TBPL2: variants seen among roughly 807,000 people sequenced by gnomAD.
TBPL2 encodes TATA-box binding protein like 2.
A neutral mutation model predicts 38.2 loss-of-function variants in TBPL2; 40 were observed. That is an observed-to-expected ratio of 1.05 (90% confidence interval 0.81 to 1.36). TBPL2 has a LOEUF of 1.36. Among genes scored for constraint, TBPL2 ranks in the 40% most tolerant of loss-of-function variants. The pLI is 0.00. For missense variants in TBPL2, 461 were observed against 456.7 expected (o/e 1.01, Z -0.09); for synonymous variants, 169 against 171.7 (o/e 0.98, Z 0.12).
intron 3 of TBPL2, 68 bp downstream of exon 3, chr14:55,435,779 A>G: frequency 8.5e-7 from 1 of 1,179,710 alleles, no homozygotes; most frequent in South Asian, 1.4e-5. Context: ...AGTCAATATC[A>G]TGATCATATT....
chr14:55,436,673 C>G (rs1462647127), exon 2 of TBPL2: 1 of 1,614,202 alleles, frequency 6.2e-7, no homozygotes, highest in African/African-American at 1.3e-5. Context: ...GAGGGCTGGA[C>G]TGAGTCAGTA....
At chr14:55,422,913 GAA>G (rs891524637) in intron 6 of TBPL2, among the ~76,000 whole-genome samples, 14 of 151,834 alleles carry the variant, frequency 9.2e-5, no homozygotes, top group African/African-American at 3.4e-4. Context: ...GAATGACATA[GAA>G]AAGAGTCTGA....
intron 6 of TBPL2, among the ~76,000 whole-genome samples, chr14:55,419,577 A>G (rs1224408479): frequency 2.0e-5 from 3 of 152,256 alleles, no homozygotes. Context: ...CTTTCTGCTC[A>G]GGACCATGAC....
Position 55,419,533 on chromosome 14 carries a change from C to G in TBPL2, c.1051+4626G>C, listed in dbSNP as rs370008144. ...CCAGCCACAGAAAACAAGCACAGAT[C>G]CAGAACAGTGTAAGCTGGGCCCAGG... On this transcript the variant is annotated intron_variant, in intron 6 of 6. Transcript: ENST00000247219. Among the ~76,000 whole-genome samples the G allele has an allele frequency of 1.5e-4, 23 of 152,268 alleles. 1 individual carries two copies. Among genetic ancestry groups the G allele is most frequent in the African/African-American group, 5.3e-4 (22 of 41,544 alleles).
intron 6 of TBPL2, among the ~76,000 whole-genome samples, chr14:55,415,200 AATCAGGACAC>A (rs1409531381): frequency 5.3e-5 from 8 of 152,254 alleles, no homozygotes; most frequent in Non-Finnish European, 1.2e-4. Context: ...AGCTTCAGCT[AATCAGGACAC>A]TAATCAGTTA....
intron 5 of TBPL2, among the ~76,000 whole-genome samples, chr14:55,425,956 G>A (rs1885815015): frequency 6.6e-6 from 1 of 152,110 alleles, no homozygotes; most frequent in South Asian, 2.1e-4. Flanking sequence ...ATTTATATCA[G>A]GATACCTTTG....
chr14:55,419,667 C>T (rs1478618971), intron 6 of TBPL2, among the ~76,000 whole-genome samples: 1 of 152,188 alleles, frequency 6.6e-6, no homozygotes, highest in Non-Finnish European at 1.5e-5. Flanking sequence ...GACATGGTGG[C>T]TGTAGCTGTG....
At chr14:55,439,787 C>T (rs969357479) in intron 1 of TBPL2, among the ~76,000 whole-genome samples, 1 of 151,624 alleles carries the variant, frequency 6.6e-6, no homozygotes, top group African/African-American at 2.4e-5. Context: ...AAAAATTAGC[C>T]GGGCGTAGTG....
exon 2 of TBPL2, chr14:55,436,799 T>G: frequency 6.2e-7 from 1 of 1,614,212 alleles, no homozygotes; most frequent in Non-Finnish European, 8.5e-7. Context: ...CTTTCAGAAT[T>G]TTCTTCAGTT....
intron 6 of TBPL2, among the ~76,000 whole-genome samples, chr14:55,414,915 A>T (rs957432312): frequency 5.9e-5 from 9 of 152,224 alleles, no homozygotes; most frequent in Non-Finnish European, 1.3e-4. Context: ...TCTAAATTTA[A>T]AAGAGTTTTA....
chr14:55,422,908 A>G (rs1163379315), intron 6 of TBPL2, among the ~76,000 whole-genome samples: 1 of 152,140 alleles, frequency 6.6e-6, no homozygotes, highest in East Asian at 1.9e-4. Context: ...CTGTAGAATG[A>G]CATAGAAAAG....
At chr14:55,429,551 G>T (rs1400336098) in intron 4 of TBPL2, among the ~76,000 whole-genome samples, 2 of 152,138 alleles carry the variant, frequency 1.3e-5, no homozygotes, top group African/African-American at 4.8e-5. Flanking sequence ...CTCACCTGAG[G>T]ACAGTAGCTC....
At chr14:55,418,176 ATG>A (rs1433927518) in intron 6 of TBPL2, among the ~76,000 whole-genome samples, 2 of 152,208 alleles carry the variant, frequency 1.3e-5, no homozygotes, top group East Asian at 3.9e-4. Context: ...TAATTTATTT[ATG>A]TCTGTCTCCC....
intron 6 of TBPL2, among the ~76,000 whole-genome samples, chr14:55,423,438 GC>G (rs1175589672): frequency 6.6e-6 from 1 of 152,212 alleles, no homozygotes; most frequent in Non-Finnish European, 1.5e-5. Context: ...GGTAAAAGCA[GC>G]CAAATGTCTG....
intron 6 of TBPL2, 34 bp downstream of exon 6, chr14:55,424,125 A>C (rs779073093): frequency 6.7e-7 from 1 of 1,502,060 alleles, no homozygotes; most frequent in Admixed American, 1.7e-5. Flanking sequence ...TAGCAATTAC[A>C]TTTTATGAGT....
chr14:55,440,549 T>C, exon 1 of TBPL2: 1 of 1,596,680 alleles, frequency 6.3e-7, no homozygotes, highest in Non-Finnish European at 8.5e-7. Flanking sequence ...AGGCCATTTA[T>C]GAGCCTGGGG....
At chr14:55,425,542 T>C (rs925343903) in intron 5 of TBPL2, among the ~76,000 whole-genome samples, 2 of 152,254 alleles carry the variant, frequency 1.3e-5, no homozygotes, top group African/African-American at 4.8e-5. Context: ...TTATTTATTC[T>C]CTGCCTCATT....
chr14:55,431,103 G>C (rs749310525), intron 4 of TBPL2, among the ~76,000 whole-genome samples: 1 of 152,130 alleles, frequency 6.6e-6, no homozygotes, highest in African/African-American at 2.4e-5. Context: ...CTTTTCCTAC[G>C]CAAACACAGG....
chr14:55,431,368 T>G (rs1294338688), intron 4 of TBPL2, among the ~76,000 whole-genome samples: 1 of 152,236 alleles, frequency 6.6e-6, no homozygotes, highest in Non-Finnish European at 1.5e-5. Flanking sequence ...GAGCATATTT[T>G]ACAATGAAAG....
Sources: gnomAD v4.1 joint callset for allele counts (sites outside exome capture counted in the v4.1 genomes callset) on GRCh38, gnomAD v4.1.1 for gene constraint, MANE v1.5 for transcripts, NCBI Gene and HGNC (gene_info 2026-07-23, HGNC 2026-07-21) for gene names.